IFT56: variants seen among roughly 807,000 people sequenced by gnomAD.
The protein encoded by IFT56 is intraflagellar transport protein 56.
At chr7:139,172,835 C>T in the IFT56 span, 41 of 667,244 alleles carry the variant, frequency 6.1e-5, no homozygotes, top group Non-Finnish European at 1.1e-4. Context: ...TCAAAGCCAG[C>T]GAACACTGTA....
chr7:139,139,998 T>C, the IFT56 span: 1 of 1,605,178 alleles, frequency 6.2e-7, no homozygotes. Flanking sequence ...AGCAGCTGGA[T>C]TTAAAGGTAA....
At chr7:139,191,096 G>A in the IFT56 span, 41 of 152,188 alleles carry the variant, frequency 2.7e-4, no homozygotes, top group African/African-American at 8.2e-4. Context: ...CTGTCTCAAG[G>A]GGTTATTTCA....
At chr7:139,163,782 T>C in the IFT56 span, among the ~76,000 whole-genome samples, 4 of 152,176 alleles carry the variant, frequency 2.6e-5, no homozygotes, top group South Asian at 2.1e-4. Context: ...TTAGAAGTCA[T>C]GGGATCAAGA....
chr7:139,179,231 A>T, the IFT56 span, among the ~76,000 whole-genome samples: 1 of 152,200 alleles, frequency 6.6e-6, no homozygotes, highest in Non-Finnish European at 1.5e-5. Context: ...AAATTTTTTT[A>T]AAATAGCTGA....
chr7:139,136,448 CTTTAT>C, the IFT56 span, among the ~76,000 whole-genome samples: 2 of 151,912 alleles, frequency 1.3e-5, no homozygotes, highest in African/African-American at 4.8e-5. Flanking sequence ...ACCAGGTTGC[CTTTAT>C]TTTATTTTAT....
chr7:139,137,735 C>G, the IFT56 span: 2 of 734,524 alleles, frequency 2.7e-6, no homozygotes, highest in Non-Finnish European at 2.3e-6. Context: ...TATTGTCATG[C>G]TTCTAATACT....
chr7:139,189,032 G>A, the IFT56 span, among the ~76,000 whole-genome samples: 4 of 152,114 alleles, frequency 2.6e-5, no homozygotes, highest in African/African-American at 9.7e-5. Context: ...GGAATAGTTA[G>A]GTCATCTCAG....
chr7:139,165,370 T>C, the IFT56 span: 1 of 597,792 alleles, frequency 1.7e-6, no homozygotes, highest in Non-Finnish European at 2.9e-6. Flanking sequence ...TAGAACAAGT[T>C]TATTGGTGGT....
At chr7:139,188,383 G>T in the IFT56 span, among the ~76,000 whole-genome samples, 2 of 152,122 alleles carry the variant, frequency 1.3e-5, no homozygotes, top group African/African-American at 2.4e-5. Flanking sequence ...TTACAGGCAT[G>T]AGCCACCATG....
chr7:139,144,904 C>T, the IFT56 span, among the ~76,000 whole-genome samples: 2 of 152,032 alleles, frequency 1.3e-5, no homozygotes, highest in Non-Finnish European at 2.9e-5. Context: ...AATAGTGTAT[C>T]TCTGGACAGC....
At chr7:139,148,339 T>C in the IFT56 span, 13 of 1,613,604 alleles carry the variant, frequency 8.1e-6, no homozygotes, top group Non-Finnish European at 1.1e-5. Context: ...TCTTAAAGCC[T>C]GTAACCATTT....
the IFT56 span, chr7:139,161,008 A>C: frequency 6.2e-7 from 1 of 1,613,924 alleles, no homozygotes; most frequent in Non-Finnish European, 8.5e-7. Context: ...TAAAGAACTC[A>C]TCAGGCACAA....
the IFT56 span, chr7:139,142,107 A>G: frequency 1.3e-6 from 1 of 783,280 alleles, no homozygotes; most frequent in Non-Finnish European, 2.1e-6. Context: ...GCAGGTGGAC[A>G]CCAGACTCAA....
At chr7:139,188,018 A>G in the IFT56 span, among the ~76,000 whole-genome samples, 2 of 151,620 alleles carry the variant, frequency 1.3e-5, no homozygotes, top group Admixed American at 1.3e-4. Context: ...TCACCTTCTC[A>G]TATTCTAGGA....
At chr7:139,155,659 A>G in the IFT56 span, among the ~76,000 whole-genome samples, 6 of 152,228 alleles carry the variant, frequency 3.9e-5, no homozygotes, top group African/African-American at 1.4e-4. Flanking sequence ...AATCTTTTTA[A>G]TACATTACAG....
chr7:139,183,719 A>G, the IFT56 span, among the ~76,000 whole-genome samples: 1 of 152,110 alleles, frequency 6.6e-6, no homozygotes, highest in Non-Finnish European at 1.5e-5. Flanking sequence ...AGTTTCTTTA[A>G]TAAACATACT....
the IFT56 span, among the ~76,000 whole-genome samples, chr7:139,167,906 A>G: frequency 6.0e-5 from 9 of 150,760 alleles, no homozygotes; most frequent in African/African-American, 1.2e-4. Context: ...ACGCCACTGT[A>G]CTCCAGCCTG....
chr7:139,169,057 T>G, the IFT56 span, among the ~76,000 whole-genome samples: 4 of 152,176 alleles, frequency 2.6e-5, no homozygotes, highest in African/African-American at 9.7e-5. Context: ...TTAATGAAGT[T>G]TTAGGATAGA....
the IFT56 span, chr7:139,139,919 T>C: frequency 3.7e-6 from 6 of 1,612,064 alleles, no homozygotes; most frequent in Non-Finnish European, 5.1e-6. Flanking sequence ...AAGAGGAAAA[T>C]TGTAATTCTG....
Sources: allele counts gnomAD v4.1 joint callset (sites outside exome capture counted in the v4.1 genomes callset), GRCh38; gene constraint gnomAD v4.1.1; transcripts MANE v1.5; gene names NCBI Gene and HGNC (gene_info 2026-07-23, HGNC 2026-07-21).